EXOC3: variants seen among roughly 807,000 people sequenced by gnomAD.
The protein encoded by EXOC3 is exocyst complex component 3.
In EXOC3, 21 loss-of-function variants were observed where a neutral mutation model predicts 73.7. That is an observed-to-expected ratio of 0.29 (90% CI 0.20 to 0.41). The LOEUF is 0.41. Ranked by LOEUF, EXOC3 falls within the 10% of genes least tolerant of loss-of-function variation. EXOC3 has a pLI of 1.00. For synonymous variants in EXOC3, 410 were observed against 389.1 expected (o/e 1.05, Z -0.63); for missense variants, 842 against 985.1 (o/e 0.85, Z 1.95).
rs749948786 is a variant in EXOC3 at position 457,988 on chromosome 5, G to C, written c.1253G>C (p.Gly418Ala). 2 of 1,612,720 alleles carry C rather than the reference G, an allele frequency of 1.2e-6. No individual in the cohort carries two copies. The highest frequency in any genetic ancestry group is 2.2e-5 in the South Asian group (2 of 90,732). ...KETEPEADQD[G>A]YYQTTLPAIV... ...ACAGAGCCAGAAGCCGACCAGGACG[G>C]GTACTACCAGACCACACTCCCTGCC... Residue 418 changes from glycine (G) to alanine (A), a missense_variant, in exon 6 of 13, where the codon GGG becomes GCG. By Grantham distance (60) the Gly-to-Ala change is moderately conservative. Transcript: ENST00000512944.
At position 447,521 on chromosome 5, in the gene EXOC3, G is replaced by A. The variant is rs377436484; in HGVS notation, c.145-12G>A. 212 of 1,534,932 alleles carry A rather than the reference G, an allele frequency of 1.4e-4. 1 individual carries two copies. Among genetic ancestry groups the A allele is most frequent in the African/African-American group, 1.3e-3 (92 of 72,956 alleles). ...CATTGGCTCTGCTCACCCGTGTGGCGTCTCTCTTTAGGCCGCCATCCAGTC... is the reference window on the plus strand; with the variant it reads ...CATTGGCTCTGCTCACCCGTGTGGCATCTCTCTTTAGGCCGCCATCCAGTC... On this transcript the variant is annotated splice_polypyrimidine_tract_variant and intron_variant, in intron 2 of 12. Coordinates refer to ENST00000512944, the MANE Select transcript of EXOC3 (RefSeq NM_007277.5).
rs542331466 is a variant in EXOC3 at position 457,000 on chromosome 5, G to T, written c.1158G>T (p.Thr386=). 4.3e-6 allele frequency: 7 copies of T among 1,610,740 alleles called. No individual in the cohort carries two copies. Among genetic ancestry groups the T allele is most frequent in the Middle Eastern group, 1.6e-4 (1 of 6,082 alleles). Residue 386 remains threonine (T), a synonymous_variant, in exon 5 of 13, where the codon ACG becomes ACT. Coordinates refer to ENST00000512944, the MANE Select transcript of EXOC3 (RefSeq NM_007277.5). Reference sequence around the variant, plus strand: ...AGCTGCTTGACACGTACATGTCCACGCTCACTGTGAGTAGGGCTGGCCTGC... The same window carrying T: ...AGCTGCTTGACACGTACATGTCCACTCTCACTGTGAGTAGGGCTGGCCTGC... ...VSELLDTYMS[T]LTSNIIAWLR... is the part of the protein sequence containing the mutation.
intron 4 of EXOC3, among the ~76,000 whole-genome samples, chr5:454,980 A>C (rs538436164): frequency 6.8e-4 from 103 of 151,490 alleles, no homozygotes; most frequent in Non-Finnish European, 1.1e-3. Flanking sequence ...AAGAGAAAGG[A>C]AGCGCCCCCT....
chr5:452,190 A>G (rs77430755), intron 3 of EXOC3, among the ~76,000 whole-genome samples: 3,074 of 152,248 alleles, frequency 0.02, 108 homozygotes, highest in African/African-American at 0.068. Context: ...GATGTCCACA[A>G]GGTCCCTGAG....
chr5:453,323 T>G, intron 3 of EXOC3, 47 bp from the exon 4 acceptor site: 1 of 1,449,402 alleles, frequency 6.9e-7, no homozygotes. Flanking sequence ...AGGCAGCCTT[T>G]TATGTGGTGG....
rs1205863121 is a variant in EXOC3, at chr5:467,154, A to T, written c.*256A>T. 1.0e-5 allele frequency: 5 copies of T among 495,810 alleles called. No individual in the cohort carries two copies. The highest frequency in any genetic ancestry group is 1.8e-5 in the Non-Finnish European group (5 of 276,442). The allele number at this position is 495,810 out of a possible 1,614,324, so 30.7% of individuals were successfully genotyped here. On this transcript the variant is annotated 3_prime_UTR_variant, in exon 13 of 13. Transcript: ENST00000512944. ...CCTCTCTTGGGTGCTTGTTTGTTGCAGTGGTTGAAAGTGTGTGGGGCACAG... is the reference window on the plus strand; with the variant it reads ...CCTCTCTTGGGTGCTTGTTTGTTGCTGTGGTTGAAAGTGTGTGGGGCACAG...
chr5:459,180 G>GTT (rs35612609), intron 6 of EXOC3, among the ~76,000 whole-genome samples, 179 bp from the exon 7 acceptor site: 31 of 147,054 alleles, frequency 2.1e-4, no homozygotes, highest in Admixed American at 4.7e-4. Context: ...TGAGAAAGTT[G>GTT]TTTTTTTTTT....
At chr5:459,918 G>C (rs1365202879) in intron 7 of EXOC3, among the ~76,000 whole-genome samples, 1 of 152,240 alleles carries the variant, frequency 6.6e-6, no homozygotes, top group Admixed American at 6.5e-5. Flanking sequence ...AACCTATACA[G>C]ATGTGGAAAA....
At position 459,392 on chromosome 5, in the gene EXOC3, A is replaced by T; in HGVS notation, c.1324A>T (p.Ile442Leu). The change falls in exon 7 of 13, where the codon ATA becomes TTA. Residue 442 changes from isoleucine to leucine, a missense_variant. By Grantham distance (5) the Ile-to-Leu change is conservative. Transcript: ENST00000512944. Reference sequence around the variant, plus strand: ...ACAGAATCTTCAAGTTGCTGCTCAGATAAGTGAAGATTTGAAAACAAAGGT... The same window carrying T: ...ACAGAATCTTCAAGTTGCTGCTCAGTTAAGTGAAGATTTGAAAACAAAGGT... ...FEQNLQVAAQ[I>L]SEDLKTKVLV... The T allele has an allele frequency of 6.4e-7, 1 of 1,571,224 alleles. No homozygotes were observed. Among genetic ancestry groups the T allele is most frequent in the Non-Finnish European group, 8.7e-7 (1 of 1,154,632 alleles).
At chr5:444,319 C>T (rs185526980) in intron 1 of EXOC3, among the ~76,000 whole-genome samples, 1 of 152,320 alleles carries the variant, frequency 6.6e-6, no homozygotes, top group African/African-American at 2.4e-5. Context: ...CAGATTTTCC[C>T]CTTTTCCACA....
At position 447,662 on chromosome 5, in the gene EXOC3, A is replaced by C. The variant is rs763211435; in HGVS notation, c.274A>C (p.Thr92Pro). Residue 92 changes from threonine to proline, a missense_variant, in exon 3 of 13, where the codon ACC becomes CCC. By Grantham distance (38) the Thr-to-Pro change is conservative (BLOSUM62 -1). Transcript: ENST00000512944. ...VSKDWRQSIN[T>P]IESLKDVKDA... ...CAAGGACTGGAGGCAGAGCATCAAC[A>C]CCATTGAGAGCCTCAAGGACGTCAA... 4.4e-6 allele frequency: 7 copies of C among 1,589,204 alleles called. No individual in the cohort carries two copies. Among genetic ancestry groups the C allele is most frequent in the Non-Finnish European group, 6.0e-6 (7 of 1,167,826 alleles).
At chr5:445,069 A>T (rs921524767) in intron 1 of EXOC3, 1 of 152,238 alleles carries the variant, frequency 6.6e-6, no homozygotes, top group African/African-American at 2.4e-5. Flanking sequence ...GAGAAGGTGA[A>T]TCTTTTTAAT....
chr5:463,245 T>C (rs1738040673), intron 9 of EXOC3, among the ~76,000 whole-genome samples: 4 of 152,216 alleles, frequency 2.6e-5, no homozygotes, highest in Admixed American at 2.6e-4. Context: ...TGTGTGGAAG[T>C]GTCCCCAAAG....
In EXOC3 at chr5:454,949, C is replaced by A. The variant is rs575704977; in HGVS notation, c.1046+898C>A. Among the ~76,000 whole-genome samples the A allele has an allele frequency of 8.4e-5, 12 of 143,158 alleles. No individual in the cohort carries two copies. In the South Asian group the frequency reaches 2.6e-3, roughly 31 times the overall value. 93.9% of individuals were successfully genotyped at this position (143,158 alleles called of 152,430 possible). A position where few individuals can be genotyped will look rare whatever the true frequency, so the allele number is the denominator to read the frequency against. On this transcript the variant is annotated intron_variant, in intron 4 of 12. Transcript: ENST00000512944. ...CTGGTATCTGCTTATAGAGAATTTG[C>A]ATTTCAATACAGAAGGACAGAAGAG...
chr5:457,116 A>C lies in EXOC3; in HGVS notation c.1164+110A>C, dbSNP rs1314868807. 2.3e-5 allele frequency: 17 copies of C among 742,734 alleles called. No individual in the cohort carries two copies. The East Asian group carries it at 4.0e-4, about 18-fold the overall frequency. 46.0% of individuals were successfully genotyped at this position (742,734 alleles called of 1,614,324 possible). ...GGAAATGCCTTAGCGTTGACTTCCTAGGATGCATTGCTCAGTTGCCCGGGC... is the reference window on the plus strand; with the variant it reads ...GGAAATGCCTTAGCGTTGACTTCCTCGGATGCATTGCTCAGTTGCCCGGGC... On this transcript the variant is annotated intron_variant, in intron 5 of 12. Coordinates refer to ENST00000512944, the MANE Select transcript of EXOC3 (RefSeq NM_007277.5).
chr5:460,690 C>T (rs1451140668), intron 7 of EXOC3, among the ~76,000 whole-genome samples: 1 of 151,566 alleles, frequency 6.6e-6, no homozygotes, highest in Non-Finnish European at 1.5e-5. Context: ...TAGCCAAGTC[C>T]CCATTGGCCT....
At chr5:445,056 C>G (rs1737465527) in intron 1 of EXOC3, 1 of 152,170 alleles carries the variant, frequency 6.6e-6, no homozygotes, top group Non-Finnish European at 1.5e-5. Flanking sequence ...TGAAAAATTC[C>G]AGGAGAAGGT....
At position 453,891 on chromosome 5, in the gene EXOC3, C is replaced by G; in HGVS notation, c.886C>G (p.Leu296Val). 3.1e-6 allele frequency: 5 copies of G among 1,613,952 alleles called. No individual in the cohort carries two copies. In the African/African-American group the frequency reaches 6.7e-5, roughly 22 times the overall value. Residue 296 changes from leucine (L) to valine (V), a missense_variant, in exon 4 of 13, where the codon CTG becomes GTG. Coordinates refer to ENST00000512944, the MANE Select transcript of EXOC3 (RefSeq NM_007277.5). ...GGATGACCTCATTGTCGCCAAAAAC[C>G]TGATGGTTCAGTGCTTTCCTCCCCA... ...VLDDLIVAKN[L>V]MVQCFPPHYE... is the part of the protein sequence containing the mutation.
chr5:444,803 T>G (rs1270584841), intron 1 of EXOC3: 2 of 151,826 alleles, frequency 1.3e-5, no homozygotes, highest in African/African-American at 2.4e-5. Context: ...CGGGAAGTTG[T>G]CCCTGGATTG....
Sources: allele counts gnomAD v4.1 joint callset (sites outside exome capture counted in the v4.1 genomes callset), GRCh38; gene constraint gnomAD v4.1.1; transcripts MANE v1.5; gene names NCBI Gene and HGNC (gene_info 2026-07-23, HGNC 2026-07-21).